ADCY1: variants seen among roughly 807,000 people sequenced by gnomAD.
ADCY1 encodes adenylate cyclase 1.
A neutral mutation model predicts 105.4 loss-of-function variants in ADCY1; 28 were observed. The observed-to-expected ratio is 0.27, with a 90% confidence interval of 0.20 to 0.36. The LOEUF (loss-of-function observed/expected upper bound fraction) is 0.36, where lower values mean the gene tolerates loss of function less well. ADCY1 is among the 10% of genes least tolerant of loss of function. The probability of loss-of-function intolerance (pLI) is 1.00; values close to 1 mark genes in which losing one functional copy is unlikely to be tolerated. For synonymous variants in ADCY1, 655 were observed against 623.8 expected (o/e 1.05, Z -0.75); for missense variants, 977 against 1,434.2 (o/e 0.68, Z 5.15).
intron 1 of ADCY1, among the ~76,000 whole-genome samples, chr7:45,578,293 C>A (rs906323779): frequency 2.6e-5 from 4 of 152,124 alleles, no homozygotes; most frequent in African/African-American, 9.7e-5. Context: ...CTACCTGGGC[C>A]GGCACTGAGG....
chr7:45,574,549 G>C lies in ADCY1; in HGVS notation c.6G>C (p.Ala2=), dbSNP rs1195030294. The C allele has an allele frequency of 4.1e-6, 4 of 977,234 alleles. No homozygotes were observed. The highest frequency in any genetic ancestry group is 1.8e-5 in the African/African-American group (1 of 55,966). 60.5% of individuals were successfully genotyped at this position (977,234 alleles called of 1,614,324 possible). The part of the protein sequence containing the change: M[A]GAPRGGGGGG... ...GGCCGCTGCATGGCGCTGAGATGGCGGGGGCGCCGCGCGGCGGAGGCGGCG... is the reference window on the plus strand; with the variant it reads ...GGCCGCTGCATGGCGCTGAGATGGCCGGGGCGCCGCGCGGCGGAGGCGGCG... The change falls in exon 1 of 20, where the codon GCG becomes GCC. Residue 2 remains alanine, a synonymous_variant. Transcript: ENST00000297323. This position sits in a 1 kb window ranked among gnomAD's most constrained non-coding sequence, Gnocchi z 7.0.
At chr7:45,600,711 A>G (rs1203204314) in intron 2 of ADCY1, among the ~76,000 whole-genome samples, 6 of 152,204 alleles carry the variant, frequency 3.9e-5, no homozygotes, top group South Asian at 2.1e-4. Context: ...GTCCAAGATC[A>G]AGGTGTTGTC....
At chr7:45,625,747 C>G (rs1794042852) in intron 4 of ADCY1, among the ~76,000 whole-genome samples, 1 of 152,146 alleles carries the variant, frequency 6.6e-6, no homozygotes, top group Admixed American at 6.5e-5. Flanking sequence ...TGTGGGTCAC[C>G]ACCTTTGGTT....
intron 8 of ADCY1, among the ~76,000 whole-genome samples, chr7:45,672,783 C>A (rs1008038677): frequency 3.9e-5 from 6 of 152,034 alleles, no homozygotes; most frequent in Non-Finnish European, 1.5e-5. Flanking sequence ...TCTTTCCCAT[C>A]TGTATGCCTT....
intron 1 of ADCY1, among the ~76,000 whole-genome samples, chr7:45,579,485 C>A (rs2115703277): frequency 6.6e-6 from 1 of 152,300 alleles, no homozygotes; most frequent in South Asian, 2.1e-4. Context: ...CCCACGGACC[C>A]CTCCTCCACT....
In ADCY1 at chr7:45,659,470, C is replaced by G. The variant is rs540191124; in HGVS notation, c.1308-572C>G. 5.7e-4 allele frequency among the ~76,000 whole-genome samples: 87 copies of G among 152,308 alleles called. 2 individuals are homozygous for G. Among genetic ancestry groups the G allele is most frequent in the South Asian group, 1.9e-3 (9 of 4,822 alleles). On this transcript the variant is annotated intron_variant, in intron 6 of 19. Transcript: ENST00000297323. ...TGTGGGTGTTCGTTTTCTGCTGAGA[C>G]GATGCCAACTGTGGGGGATTTTCCT...
intron 3 of ADCY1, among the ~76,000 whole-genome samples, chr7:45,620,306 T>G (rs1032296697): frequency 5.9e-5 from 9 of 152,146 alleles, no homozygotes; most frequent in Non-Finnish European, 1.0e-4. Flanking sequence ...GTACAATATT[T>G]TACCTATAGT....
intron 1 of ADCY1, among the ~76,000 whole-genome samples, chr7:45,581,113 T>C (rs1410578273): frequency 1.3e-5 from 2 of 152,166 alleles, no homozygotes; most frequent in Non-Finnish European, 2.9e-5. Context: ...TGTGTGACTT[T>C]AGGCTTGGGA....
chr7:45,694,538 TAAG>T (rs976710282), intron 14 of ADCY1, among the ~76,000 whole-genome samples: 15 of 152,272 alleles, frequency 9.9e-5, no homozygotes, highest in African/African-American at 3.6e-4. Context: ...CAAATCACCT[TAAG>T]AAGCCAGAAA....
At position 45,648,664 on chromosome 7, in the gene ADCY1, C is replaced by T; in HGVS notation, c.1021-6C>T. 6.2e-7 allele frequency: 1 copy of T among 1,614,146 alleles called. No homozygotes were observed. The highest frequency in any genetic ancestry group is 8.5e-7 in the Non-Finnish European group (1 of 1,180,002). ...CTCTTACCATGTGCCTTGCCCTTCCCTGAAGGAGAACCACTGTCGCCGCAT... is the reference window on the plus strand; with the variant it reads ...CTCTTACCATGTGCCTTGCCCTTCCTTGAAGGAGAACCACTGTCGCCGCAT... On this transcript the variant is annotated splice_polypyrimidine_tract_variant and splice_region_variant and intron_variant, in intron 4 of 19. Transcript: ENST00000297323.
intron 8 of ADCY1, among the ~76,000 whole-genome samples, chr7:45,668,049 A>G (rs1034831224): frequency 2.8e-4 from 42 of 152,324 alleles, no homozygotes; most frequent in Admixed American, 1.9e-3. Flanking sequence ...GGGGTTTTCT[A>G]GATATAGAAT....
At chr7:45,667,471 G>C (rs560279086) in intron 8 of ADCY1, among the ~76,000 whole-genome samples, 9 of 152,086 alleles carry the variant, frequency 5.9e-5, no homozygotes, top group Non-Finnish European at 1.2e-4. Flanking sequence ...GGGCTCTGTT[G>C]TGTTCCATTG....
chr7:45,646,375 C>T (rs898241704), intron 4 of ADCY1, among the ~76,000 whole-genome samples: 9 of 152,174 alleles, frequency 5.9e-5, no homozygotes, highest in African/African-American at 1.9e-4. Flanking sequence ...GGCACTGGAA[C>T]CAGGCAGCAA....
chr7:45,642,086 T>C (rs1794540908), intron 4 of ADCY1, among the ~76,000 whole-genome samples: 1 of 152,188 alleles, frequency 6.6e-6, no homozygotes, highest in Non-Finnish European at 1.5e-5. Flanking sequence ...GGGAAGTTTA[T>C]TACTCACAGC....
intron 4 of ADCY1, among the ~76,000 whole-genome samples, chr7:45,624,666 G>T (rs1015494058): frequency 3.9e-5 from 6 of 152,134 alleles, no homozygotes; most frequent in Non-Finnish European, 8.8e-5. Flanking sequence ...GGAGCTTCTG[G>T]TCTGCAATGC....
chr7:45,703,627 G>C lies in ADCY1; in HGVS notation c.2599G>C (p.Val867Leu). 2 of 1,613,068 alleles carry C rather than the reference G, an allele frequency of 1.2e-6. No individual in the cohort carries two copies. The highest frequency in any genetic ancestry group is 1.7e-6 in the Non-Finnish European group (2 of 1,179,464). ...MDLYYQSYSQ[V>L]GVMFASIPNF... ...CCTCTACTACCAGTCCTACTCCCAGGTGGGCGTCATGTTTGCCTCCATCCC... is the reference window on the plus strand; with the variant it reads ...CCTCTACTACCAGTCCTACTCCCAGCTGGGCGTCATGTTTGCCTCCATCCC... The change falls in exon 16 of 20, where the codon GTG (valine) becomes CTG (leucine). Residue 867 changes from valine (V) to leucine (L), a missense_variant. By Grantham distance (32) the Val-to-Leu change is conservative. Coordinates refer to ENST00000297323, the MANE Select transcript of ADCY1 (RefSeq NM_021116.4). The surrounding 1 kb of genome is among the most constrained non-coding windows in gnomAD (Gnocchi z 5.9).
At chr7:45,583,814 A>G (rs1032167754) in intron 1 of ADCY1, among the ~76,000 whole-genome samples, 2 of 149,882 alleles carry the variant, frequency 1.3e-5, no homozygotes, top group Non-Finnish European at 3.0e-5. Context: ...CTAATTTTGT[A>G]TTTTTAGTAG....
intron 7 of ADCY1, among the ~76,000 whole-genome samples, chr7:45,661,642 C>A (rs1795108987): frequency 1.3e-5 from 2 of 152,290 alleles, no homozygotes; most frequent in Admixed American, 1.3e-4. Flanking sequence ...CAGCTGGGTG[C>A]ACTGCCCAGC....
chr7:45,579,666 A>G (rs953929027), intron 1 of ADCY1, among the ~76,000 whole-genome samples: 3 of 152,172 alleles, frequency 2.0e-5, no homozygotes, highest in Non-Finnish European at 2.9e-5. Context: ...CTCCTGGCAC[A>G]GGGGTCAGGC....
Sources: allele counts gnomAD v4.1 joint callset (sites outside exome capture counted in the v4.1 genomes callset), GRCh38; gene constraint gnomAD v4.1.1; non-coding constraint Gnocchi (gnomAD v3.1); transcripts MANE v1.5; gene names NCBI Gene and HGNC (gene_info 2026-07-23, HGNC 2026-07-21).